TRIP12: variants seen among roughly 807,000 people sequenced by gnomAD.
TRIP12 encodes thyroid hormone receptor interactor 12.
TRIP12 carries 25 observed loss-of-function variants against 244.2 expected under a neutral mutation model. That is an observed-to-expected ratio of 0.10 (90% CI 0.07 to 0.14). The LOEUF (loss-of-function observed/expected upper bound fraction) is 0.14. Ranked by LOEUF, TRIP12 falls within the 10% of genes least tolerant of loss-of-function variation. TRIP12 has a pLI of 1.00. For synonymous variants in TRIP12, 905 were observed against 873.1 expected, an observed-to-expected ratio of 1.04 and a Z score of -0.64; for missense variants, 1,677 against 2,486.4, an observed-to-expected ratio of 0.67 and a Z score of 6.92.
chr2:229,795,870 G>T (rs1318691072), intron 25 of TRIP12, among the ~76,000 whole-genome samples: 1 of 152,118 alleles, frequency 6.6e-6, no homozygotes, highest in Non-Finnish European at 1.5e-5. Flanking sequence ...TTTGCTTTAG[G>T]TTGACTCACA....
At chr2:229,780,580 A>G (rs998031146) in intron 34 of TRIP12, among the ~76,000 whole-genome samples, 2 of 152,010 alleles carry the variant, frequency 1.3e-5, no homozygotes, top group Non-Finnish European at 2.9e-5. Context: ...TCTGACTCCT[A>G]CTACTCTGCC....
chr2:229,877,741 A>G, intron 2 of TRIP12, among the ~76,000 whole-genome samples: 1 of 152,152 alleles, frequency 6.6e-6, no homozygotes, highest in East Asian at 1.9e-4. Flanking sequence ...TTACATGCAC[A>G]TACATAATGT....
At chr2:229,795,378 A>G (rs1271592749) in intron 25 of TRIP12, 48 bp from the exon 26 acceptor site, 1 of 1,565,038 alleles carries the variant, frequency 6.4e-7, no homozygotes, top group Admixed American at 1.9e-5. Flanking sequence ...TTTTCAAAAC[A>G]AAAGTCTCCT....
chr2:229,917,564 T>C (rs2075726609), intron 1 of TRIP12, among the ~76,000 whole-genome samples: 1 of 151,992 alleles, frequency 6.6e-6, no homozygotes, highest in African/African-American at 2.4e-5. Flanking sequence ...ATGAAAAAAG[T>C]GGCACAGAAT....
In TRIP12 at chr2:229,859,329, T is replaced by C; in HGVS notation, c.470A>G (p.His157Arg). The change falls in exon 4 of 42, where the codon CAT becomes CGT. Residue 157 changes from histidine (H) to arginine (R), a missense_variant. Physicochemically the swap from His to Arg is conservative, Grantham distance 29 (BLOSUM62 0). This residue lies in a region of TRIP12 where 387 missense variants were observed against 392.6 expected (regional missense o/e 0.99). Coordinates refer to ENST00000675903, the MANE Select transcript of TRIP12 (RefSeq NM_001348323.3). ...TTTCAGTTGTTGCTCCTGGTCTAAA[T>C]GTCTCTTCTTTGACTTACTATGTGG... ...NKPHSKSKKR[H>R]LDQEQQLKSA... is the part of the protein sequence containing the mutation. 6.2e-7 allele frequency: 1 copy of C among 1,614,240 alleles called. No individual in the cohort carries two copies. Among genetic ancestry groups the C allele is most frequent in the Non-Finnish European group, 8.5e-7 (1 of 1,180,042 alleles).
At chr2:229,787,389 C>G (rs539753289) in intron 33 of TRIP12, 116 bp downstream of exon 33, 16 of 1,055,140 alleles carry the variant, frequency 1.5e-5, no homozygotes, top group Non-Finnish European at 1.5e-5. Context: ...ATAGGGCTAG[C>G]TGAATATGAC....
chr2:229,814,285 A>G lies in TRIP12; in HGVS notation c.1772T>C (p.Leu591Ser). 1 of 1,614,202 alleles carries G rather than the reference A, an allele frequency of 6.2e-7. No homozygotes were observed. The highest frequency in any genetic ancestry group is 8.5e-7 in the Non-Finnish European group (1 of 1,180,016). ...CCGTGACAACATCTCCAAGGCAGTC[A>G]AGGCCTGCTCTGCCACATCAATACA... ...IQCIDVAEQA[L>S]TALEMLSRRH... The change falls in exon 12 of 42, where the codon TTG becomes TCG. Residue 591 changes from leucine (L) to serine (S), a missense_variant. Transcript: ENST00000675903.
At chr2:229,817,945 G>A (rs1052194863) in intron 9 of TRIP12, among the ~76,000 whole-genome samples, 12 of 152,088 alleles carry the variant, frequency 7.9e-5, no homozygotes, top group African/African-American at 2.2e-4. Context: ...CATATGGCTT[G>A]AGTAGTATTC....
chr2:229,869,262 C>T (rs2154344724), intron 2 of TRIP12, among the ~76,000 whole-genome samples: 1 of 152,308 alleles, frequency 6.6e-6, no homozygotes, highest in East Asian at 1.9e-4. Flanking sequence ...AAAAGAAAGT[C>T]ACATTTCTGT....
At chr2:229,913,956 G>A (rs2074857861) in intron 1 of TRIP12, among the ~76,000 whole-genome samples, 1 of 152,150 alleles carries the variant, frequency 6.6e-6, no homozygotes, top group African/African-American at 2.4e-5. Context: ...AGAAAGTTAA[G>A]TGTAAGTATA....
chr2:229,799,959 A>T (rs1432280549), intron 21 of TRIP12, among the ~76,000 whole-genome samples: 3 of 152,196 alleles, frequency 2.0e-5, no homozygotes, highest in Non-Finnish European at 4.4e-5. Context: ...TCAATTTTCT[A>T]TGTGTTCCAC....
chr2:229,819,397 T>C (rs1350014599), intron 8 of TRIP12, among the ~76,000 whole-genome samples: 4 of 151,934 alleles, frequency 2.6e-5, no homozygotes, highest in Admixed American at 2.6e-4. Context: ...ATACAAAAAT[T>C]AGCCGAGCGC....
At chr2:229,821,326 A>G (rs1484113193) in intron 8 of TRIP12, among the ~76,000 whole-genome samples, 1 of 152,194 alleles carries the variant, frequency 6.6e-6, no homozygotes. Context: ...TTTTGACCTT[A>G]TAGAACTCAT....
chr2:229,902,476 A>C (rs2071247149), intron 1 of TRIP12, among the ~76,000 whole-genome samples: 1 of 152,244 alleles, frequency 6.6e-6, no homozygotes, highest in Non-Finnish European at 1.5e-5. Flanking sequence ...TTTGTACCAA[A>C]AGAAATCACT....
rs1575103094 is a variant in TRIP12 at position 229,795,059 on chromosome 2, C to A, written c.3968+120G>T. On this transcript the variant is annotated intron_variant, in intron 26 of 41. Transcript: ENST00000675903. ...CTTTAGAGTGCTTAATTTCTTTCAT[C>A]ATTACAGCTGAATGTTTTCTGGGCC... 7.5e-6 allele frequency: 9 copies of A among 1,196,944 alleles called. No individual in the cohort carries two copies. In the East Asian group the frequency reaches 1.9e-4, roughly 26 times the overall value. 74.1% of individuals were successfully genotyped at this position (1,196,944 alleles called of 1,614,324 possible). A position where few individuals can be genotyped will look rare whatever the true frequency, so the allele number is the denominator to read the frequency against.
At chr2:229,784,639 T>C (rs1016839908) in intron 34 of TRIP12, among the ~76,000 whole-genome samples, 5 of 151,910 alleles carry the variant, frequency 3.3e-5, no homozygotes, top group African/African-American at 1.2e-4. Flanking sequence ...AATTCTTGAA[T>C]ACTTCTCCAA....
intron 2 of TRIP12, among the ~76,000 whole-genome samples, chr2:229,873,939 C>G (rs990140903): frequency 6.6e-6 from 1 of 151,240 alleles, no homozygotes; most frequent in Non-Finnish European, 1.5e-5. Context: ...GGGTCCATAA[C>G]AAAGCTGAGG....
At chr2:229,880,156 T>C (rs1490761934) in intron 1 of TRIP12, 28 bp from the exon 2 acceptor site, 1 of 1,333,576 alleles carries the variant, frequency 7.5e-7, no homozygotes, top group Non-Finnish European at 1.1e-6. Flanking sequence ...AAACAAAATT[T>C]ATCAGATGTA....
At chr2:229,907,002 C>A (rs1560285590) in intron 1 of TRIP12, among the ~76,000 whole-genome samples, 1 of 152,138 alleles carries the variant, frequency 6.6e-6, no homozygotes, top group East Asian at 1.9e-4. Flanking sequence ...CAGCCCCCCA[C>A]AAAACTTTTC....
Sources: allele counts gnomAD v4.1 joint callset (sites outside exome capture counted in the v4.1 genomes callset), GRCh38; gene constraint gnomAD v4.1.1; regional missense constraint gnomAD v4.1.1; transcripts MANE v1.5; gene names NCBI Gene and HGNC (gene_info 2026-07-23, HGNC 2026-07-21).